DNAH5: variants seen among roughly 807,000 people sequenced by gnomAD.
DNAH5 encodes axonemal beta dynein heavy chain 5.
DNAH5 carries 372 observed loss-of-function variants against 518.2 expected under a neutral mutation model. The ratio of observed to expected loss-of-function variants is 0.72; its 90% CI spans 0.66 to 0.78. The LOEUF is 0.78. Ranked by LOEUF, DNAH5 falls within the 30% of genes least tolerant of loss-of-function variation. The pLI is 0.00. For missense variants in DNAH5, 5,523 were observed against 5,687.0 expected (o/e 0.97, Z 0.93); for synonymous variants, 2,039 against 2,025.9 (o/e 1.01, Z -0.17).
intron 1 of DNAH5, among the ~76,000 whole-genome samples, chr5:13,984,248 C>G (rs1297014166): frequency 6.6e-6 from 1 of 152,178 alleles, no homozygotes; most frequent in African/African-American, 2.4e-5. Context: ...CTTCACATCC[C>G]TTGTAAGTTG....
chr5:13,920,432 G>C, intron 6 of DNAH5, 48 bp downstream of exon 6: 2 of 1,610,228 alleles, frequency 1.2e-6, no homozygotes. Context: ...CCATTGTCTA[G>C]CGCAGTAATG....
chr5:13,851,207 A>T (rs560288395), intron 30 of DNAH5, among the ~76,000 whole-genome samples: 5 of 152,320 alleles, frequency 3.3e-5, no homozygotes, highest in African/African-American at 9.6e-5. Flanking sequence ...TAGAAAAAAT[A>T]TTTAAAAATA....
intron 1 of DNAH5, among the ~76,000 whole-genome samples, chr5:14,011,384 C>G (rs530640398): frequency 6.6e-6 from 1 of 152,186 alleles, no homozygotes; most frequent in Admixed American, 6.5e-5. Flanking sequence ...TTTTGCATTT[C>G]GGGGTGCCCT....
At chr5:13,958,060 C>T (rs34630497) in intron 1 of DNAH5, among the ~76,000 whole-genome samples, 4,740 of 151,752 alleles carry the variant, frequency 0.031, 110 homozygotes, top group Non-Finnish European at 0.042. Context: ...TATGATCTAA[C>T]GATTGCATAG....
At chr5:13,946,297 T>C (rs546293011), upstream of DNAH5, among the ~76,000 whole-genome samples, 1 of 152,296 alleles carries the variant, frequency 6.6e-6, no homozygotes, top group South Asian at 2.1e-4. Context: ...CATTTTGTGT[T>C]TGGCAGGCAT....
Position 13,712,645 on chromosome 5 carries a change from C to T in DNAH5, c.13125+1760G>A, listed in dbSNP as rs150691186. 5.3e-4 allele frequency among the ~76,000 whole-genome samples: 80 copies of T among 152,116 alleles called. No homozygotes were observed. The East Asian group carries it at 0.014, about 26-fold the overall frequency. On this transcript the variant is annotated intron_variant, in intron 75 of 78. Transcript: ENST00000265104. ...GTAAGAAAAAAACAAACAATCCCAT[C>T]CAAAAGTGGGCTAAGCATATGAATA...
intron 41 of DNAH5, 48 bp downstream of exon 41, chr5:13,820,298 C>T: frequency 6.3e-7 from 1 of 1,598,636 alleles, no homozygotes; most frequent in Non-Finnish European, 8.5e-7. Context: ...AATGGGTCAC[C>T]ACTACTTAAA....
At chr5:13,709,950 A>C (rs1743269140) in intron 75 of DNAH5, among the ~76,000 whole-genome samples, 1 of 152,250 alleles carries the variant, frequency 6.6e-6, no homozygotes, top group Admixed American at 6.5e-5. Flanking sequence ...GTTTCTCTTC[A>C]TACTACCACA....
intron 55 of DNAH5, among the ~76,000 whole-genome samples, chr5:13,773,002 T>C (rs1753556089): frequency 6.6e-6 from 1 of 152,208 alleles, no homozygotes; most frequent in Non-Finnish European, 1.5e-5. Flanking sequence ...TCACAGATGG[T>C]ATTCTTTCAG....
In DNAH5 at chr5:13,944,393, G is replaced by C; in HGVS notation, c.46C>G (p.Arg16Gly). The C allele has an allele frequency of 6.2e-7, 1 of 1,613,770 alleles. No individual in the cohort carries two copies. The highest frequency in any genetic ancestry group is 8.5e-7 in the Non-Finnish European group (1 of 1,179,910). ...RRQLWKHSVT[R>G]VLTQRLKGEK... ...CAACAGCACCTTACCGTTAAAACTCGAGTGACGCTATGCTTCCAGAGCTGT... is the reference window on the plus strand; with the variant it reads ...CAACAGCACCTTACCGTTAAAACTCCAGTGACGCTATGCTTCCAGAGCTGT... The change falls in exon 1 of 79, where the codon CGA (arginine) becomes GGA (glycine). Residue 16 changes from arginine to glycine, a missense_variant. This residue lies in a region of DNAH5 where 5,121 missense variants were observed against 5,223.3 expected (regional missense o/e 0.98). Transcript: ENST00000265104.
rs1178946466 is a variant in DNAH5 at position 13,825,005 on chromosome 5, G to T, written c.6445-672C>A. Among the ~76,000 whole-genome samples the T allele has an allele frequency of 6.6e-5, 10 of 152,100 alleles. 1 individual carries two copies. The South Asian group carries it at 1.5e-3, about 22-fold the overall frequency. On this transcript the variant is annotated intron_variant, in intron 38 of 78. Transcript: ENST00000265104. The stretch of plus-strand genomic sequence containing the variant: ...TTCCTCAAAAAATTAAAAACGGAAC[G>T]ATATGATCCAGCACTCCCAATTCTG...
chr5:13,758,751 G>A (rs553747512), intron 61 of DNAH5, 95 bp downstream of exon 61: 14 of 1,552,712 alleles, frequency 9.0e-6, no homozygotes, highest in Non-Finnish European at 1.2e-5. Context: ...TATGTATTAT[G>A]TATAAATTCA....
chr5:13,919,364 C>A lies in DNAH5; in HGVS notation c.799-12G>T. The stretch of plus-strand genomic sequence containing the variant: ...TTTTCAGCAAGAACCTGCAAATGCG[C>A]GGGGAAAAACACGAGCCATTGCACG... On this transcript the variant is annotated splice_polypyrimidine_tract_variant and intron_variant, in intron 6 of 78. Transcript: ENST00000265104. 1.2e-6 allele frequency: 2 copies of A among 1,612,622 alleles called. No homozygotes were observed. Among genetic ancestry groups the A allele is most frequent in the Non-Finnish European group, 1.7e-6 (2 of 1,179,558 alleles).
chr5:13,947,828 A>G (rs986509246), upstream of DNAH5, among the ~76,000 whole-genome samples: 5 of 152,216 alleles, frequency 3.3e-5, no homozygotes, highest in Admixed American at 2.0e-4. Context: ...AAAATGGCAA[A>G]TGAGTTCAGT....
At chr5:13,885,304 G>A (rs942808229) in intron 18 of DNAH5, 76 bp from the exon 19 acceptor site, 4 of 1,531,352 alleles carry the variant, frequency 2.6e-6, no homozygotes, top group Non-Finnish European at 3.6e-6. Context: ...TAGATAGACA[G>A]ATAGATAGAA....
chr5:13,809,949 C>T (rs1760328900), intron 45 of DNAH5, 110 bp downstream of exon 45: 2 of 1,132,520 alleles, frequency 1.8e-6, no homozygotes, highest in African/African-American at 1.5e-5. Flanking sequence ...TCATATCTTA[C>T]AGCCAATAAT....
intron 66 of DNAH5, among the ~76,000 whole-genome samples, chr5:13,736,263 C>T (rs902496390): frequency 3.9e-5 from 6 of 152,106 alleles, no homozygotes; most frequent in Non-Finnish European, 5.9e-5. Flanking sequence ...ACCCAGCAAG[C>T]GAGGTAGCCA....
rs754287545 is a variant in DNAH5, at chr5:13,991,860, G to A, written c.12+19788C>T. ...ACTTTAGGCAAAAATCTCCATCTGC[G>A]AAAGAGATAAATGTGTCTACCCCTT... is the stretch of plus-strand genomic sequence containing the variant. On this transcript the variant is annotated intron_variant, in intron 1 of 78. Coordinates refer to the DNAH5 transcript ENST00000681290. Among the ~76,000 whole-genome samples, 3 of 152,130 alleles carry A rather than the reference G, an allele frequency of 2.0e-5. No individual in the cohort carries two copies. The East Asian group carries it at 5.8e-4, about 29-fold the overall frequency.
At chr5:13,726,649 GTGAAAC>G (rs1386170119) in intron 70 of DNAH5, among the ~76,000 whole-genome samples, 1 of 152,180 alleles carries the variant, frequency 6.6e-6, no homozygotes, top group Non-Finnish European at 1.5e-5. Context: ...GCCCCGAACT[GTGAAAC>G]TCATTTTTCT....
Sources: gnomAD v4.1 joint callset for allele counts (sites outside exome capture counted in the v4.1 genomes callset) on GRCh38, gnomAD v4.1.1 for gene constraint, gnomAD v4.1.1 regional missense constraint, MANE v1.5 for transcripts, NCBI Gene and HGNC (gene_info 2026-07-23, HGNC 2026-07-21) for gene names.